Variants in PPP2R2B observed in about 807,000 individuals in gnomAD.
The protein encoded by PPP2R2B is protein phosphatase 2 regulatory subunit Bbeta.
A neutral mutation model predicts 46.0 loss-of-function variants in PPP2R2B; 5 were observed. The ratio of observed to expected loss-of-function variants is 0.11; its 90% CI spans 0.06 to 0.23. The LOEUF is 0.23. PPP2R2B is among the 10% of genes least tolerant of loss of function. The pLI is 1.00. For missense variants in PPP2R2B, 367 were observed against 575.0 expected (o/e 0.64, Z 3.70); for synonymous variants, 215 against 206.7 (o/e 1.04, Z -0.34).
At chr5:146,835,711 C>T (rs1252893916) in intron 2 of PPP2R2B, among the ~76,000 whole-genome samples, 4 of 152,208 alleles carry the variant, frequency 2.6e-5, no homozygotes, top group African/African-American at 7.2e-5. Context: ...CCATCTCCCA[C>T]TATCCCACGC....
At chr5:146,953,734 C>T (rs1376631482) in intron 1 of PPP2R2B, among the ~76,000 whole-genome samples, 2 of 152,162 alleles carry the variant, frequency 1.3e-5, no homozygotes. Context: ...AATTTTATAA[C>T]AATCCCATGA....
intron 2 of PPP2R2B, among the ~76,000 whole-genome samples, chr5:146,867,498 G>A (rs1171725375): frequency 1.3e-5 from 2 of 152,140 alleles, no homozygotes; most frequent in South Asian, 4.1e-4. Context: ...GGAATCTTTT[G>A]TATTTATTTA....
At chr5:146,831,667 T>C (rs319148) in intron 2 of PPP2R2B, among the ~76,000 whole-genome samples, 2,779 of 152,226 alleles carry the variant, frequency 0.018, 68 homozygotes, top group African/African-American at 0.063. Context: ...GGCACATGCC[T>C]GTAATCCCAG....
At chr5:146,591,266 C>T (rs899139106) in intron 9 of PPP2R2B, among the ~76,000 whole-genome samples, 2 of 152,066 alleles carry the variant, frequency 1.3e-5, no homozygotes, top group Admixed American at 1.3e-4. Flanking sequence ...AAGGAAAAAG[C>T]TGACAAGATT....
intron 2 of PPP2R2B, among the ~76,000 whole-genome samples, chr5:146,807,474 C>T (rs1757246107): frequency 6.6e-6 from 1 of 152,262 alleles, no homozygotes; most frequent in African/African-American, 2.4e-5. Flanking sequence ...ACAAGATGAT[C>T]ATATTTCATA....
intron 2 of PPP2R2B, among the ~76,000 whole-genome samples, chr5:146,803,802 C>T (rs1008793669): frequency 2.6e-5 from 4 of 152,140 alleles, no homozygotes; most frequent in African/African-American, 7.2e-5. Context: ...CTTGGTTTTT[C>T]TATCTGCAAA....
chr5:146,922,680 A>G (rs971204028), intron 1 of PPP2R2B: 1 of 152,204 alleles, frequency 6.6e-6, no homozygotes, highest in Non-Finnish European at 1.5e-5. Context: ...CTTTACCCAT[A>G]TAGCCCATGT....
At chr5:146,954,064 T>C (rs939193812) in intron 1 of PPP2R2B, among the ~76,000 whole-genome samples, 1 of 151,596 alleles carries the variant, frequency 6.6e-6, no homozygotes, top group Non-Finnish European at 1.5e-5. Context: ...TCCCTATAAA[T>C]ACCACATTAT....
chr5:146,742,207 T>G (rs1201266313), intron 2 of PPP2R2B, among the ~76,000 whole-genome samples: 1 of 152,262 alleles, frequency 6.6e-6, no homozygotes, highest in Non-Finnish European at 1.5e-5. Context: ...GAGACTATAT[T>G]GCTCCAAAGG....
intron 2 of PPP2R2B, among the ~76,000 whole-genome samples, chr5:146,733,440 GCTCT>G (rs1399986942): frequency 6.6e-6 from 1 of 152,122 alleles, no homozygotes; most frequent in East Asian, 1.9e-4. Flanking sequence ...AAATGAATAA[GCTCT>G]CTAATTATAA....
intron 2 of PPP2R2B, among the ~76,000 whole-genome samples, chr5:146,750,803 C>A (rs1012922707): frequency 6.6e-6 from 1 of 152,034 alleles, no homozygotes; most frequent in Non-Finnish European, 1.5e-5. Flanking sequence ...AATGTTGGCA[C>A]CTACTTTGAA....
chr5:146,740,122 C>T (rs1162205801), intron 2 of PPP2R2B, among the ~76,000 whole-genome samples: 1 of 152,148 alleles, frequency 6.6e-6, no homozygotes. Flanking sequence ...CCCTCTCTAG[C>T]TAGAAAAGAC....
At chr5:146,661,827 C>A (rs948914405) in intron 5 of PPP2R2B, among the ~76,000 whole-genome samples, 2 of 152,130 alleles carry the variant, frequency 1.3e-5, no homozygotes, top group Non-Finnish European at 2.9e-5. Context: ...GTGTGTTTCC[C>A]TGTTCACTGC....
At chr5:146,649,138 G>T (rs942219555) in intron 6 of PPP2R2B, among the ~76,000 whole-genome samples, 1 of 152,158 alleles carries the variant, frequency 6.6e-6, no homozygotes, top group African/African-American at 2.4e-5. Context: ...GGTAGATAGG[G>T]ATATATGCGT....
intron 2 of PPP2R2B, among the ~76,000 whole-genome samples, chr5:146,763,379 C>A (rs1754283036): frequency 6.6e-6 from 1 of 152,068 alleles, no homozygotes. Flanking sequence ...TGTTTCTCAA[C>A]CTCTCTGAGC....
intron 8 of PPP2R2B, among the ~76,000 whole-genome samples, chr5:146,597,632 T>C (rs146243138): frequency 1.2e-3 from 180 of 152,312 alleles, no homozygotes; most frequent in African/African-American, 4.2e-3. Context: ...CATAAAATCA[T>C]ACAGGTTAAT....
At chr5:146,940,444 G>A (rs1355838151) in intron 1 of PPP2R2B, among the ~76,000 whole-genome samples, 1 of 151,726 alleles carries the variant, frequency 6.6e-6, no homozygotes, top group Non-Finnish European at 1.5e-5. Flanking sequence ...AAGAATGCCA[G>A]TCAGGAGTTA....
intron 2 of PPP2R2B, among the ~76,000 whole-genome samples, chr5:146,793,261 A>T (rs750192350): frequency 1.1e-4 from 17 of 152,208 alleles, no homozygotes; most frequent in Non-Finnish European, 1.9e-4. Flanking sequence ...TGTTCAGGAG[A>T]TGATCAGAAG....
At chr5:146,641,489 T>C (rs1395357647) in intron 6 of PPP2R2B, among the ~76,000 whole-genome samples, 1 of 141,378 alleles carries the variant, frequency 7.1e-6, no homozygotes, top group African/African-American at 2.6e-5. Flanking sequence ...ATCAGAATTT[T>C]TATGTGCTCT....
Sources: allele counts gnomAD v4.1 joint callset (sites outside exome capture counted in the v4.1 genomes callset), GRCh38; gene constraint gnomAD v4.1.1; transcripts MANE v1.5; gene names NCBI Gene and HGNC (gene_info 2026-07-23, HGNC 2026-07-21).